Variants in SOX6 observed in about 807,000 individuals in gnomAD.
SOX6 encodes the protein SRY-box transcription factor 6, also known as transcription factor SOX-6.
In SOX6, 11 loss-of-function variants were observed where a neutral mutation model predicts 97.8. The observed-to-expected ratio is 0.11, with a 90% CI of 0.07 to 0.19. The LOEUF (loss-of-function observed/expected upper bound fraction) is 0.19. Ranked by LOEUF, SOX6 falls within the 10% of genes least tolerant of loss-of-function variation. The probability of loss-of-function intolerance (pLI) is 1.00; values close to 1 mark genes in which losing one functional copy is unlikely to be tolerated. For synonymous variants in SOX6, 360 were observed against 371.4 expected, an observed-to-expected ratio of 0.97 and a Z score of 0.35; for missense variants, 810 against 1,039.5, an observed-to-expected ratio of 0.78 and a Z score of 3.04.
rs759856911 is a variant in SOX6 at position 16,318,880 on chromosome 11, T to C, written c.238-227A>G. Among the ~76,000 whole-genome samples the C allele has an allele frequency of 1.2e-4, 19 of 152,298 alleles. No individual in the cohort carries two copies. The South Asian group carries it at 3.1e-3, about 25-fold the overall frequency. On this transcript the variant is annotated intron_variant, in intron 2 of 15. Coordinates refer to ENST00000683767, the MANE Select transcript of SOX6 (RefSeq NM_001367873.1). ...AAGAAGCAATTGTCAAAGGAACTAA[T>C]GTGAAGTTGCAGATTAAAACTGTTT...
chr11:16,404,594 C>A (rs1467933929), intron 1 of SOX6, among the ~76,000 whole-genome samples: 3 of 151,830 alleles, frequency 2.0e-5, no homozygotes, highest in Non-Finnish European at 4.4e-5. Flanking sequence ...ATGCCCACAA[C>A]CAGGTTTCAC....
chr11:16,109,778 T>C (rs1590202377), intron 7 of SOX6, among the ~76,000 whole-genome samples: 1 of 152,204 alleles, frequency 6.6e-6, no homozygotes, highest in East Asian at 1.9e-4. Context: ...ATTAATGAAA[T>C]TGTCTGACAT....
intron 4 of SOX6, among the ~76,000 whole-genome samples, chr11:16,495,816 C>T (rs553491703): frequency 1.3e-5 from 2 of 152,244 alleles, no homozygotes; most frequent in African/African-American, 4.8e-5. Context: ...CAATGTATGA[C>T]ACTCTAGGGC....
intron 2 of SOX6, among the ~76,000 whole-genome samples, chr11:16,336,505 G>T (rs892024776): frequency 6.6e-6 from 1 of 152,056 alleles, no homozygotes; most frequent in Non-Finnish European, 1.5e-5. Context: ...TCACTCTTCT[G>T]CTTATCATCA....
In SOX6 at chr11:16,464,041, C is replaced by A. The variant is rs190458957; in HGVS notation, c.-5+12274G>T. Among the ~76,000 whole-genome samples, 13 of 152,274 alleles carry A rather than the reference C, an allele frequency of 8.5e-5. No homozygotes were observed. In the East Asian group the frequency reaches 2.1e-3, roughly 25 times the overall value. On this transcript the variant is annotated intron_variant, in intron 1 of 15. Coordinates refer to the SOX6 transcript ENST00000396356. Reference sequence around the variant, plus strand: ...TGATGGTTATAACTTTATGGTTATACAGGATATCTCACTGTAAGAGATCTT... The same window carrying A: ...TGATGGTTATAACTTTATGGTTATAAAGGATATCTCACTGTAAGAGATCTT...
At chr11:16,038,431 GA>G (rs1175792009) in intron 12 of SOX6, among the ~76,000 whole-genome samples, 2 of 151,562 alleles carry the variant, frequency 1.3e-5, no homozygotes, top group African/African-American at 2.4e-5. Flanking sequence ...AGGAAGGAAA[GA>G]AAAAAAGAAG....
At chr11:16,471,257 A>C (rs1166315831) in intron 1 of SOX6, among the ~76,000 whole-genome samples, 1 of 152,134 alleles carries the variant, frequency 6.6e-6, no homozygotes, top group Non-Finnish European at 1.5e-5. Context: ...AGGAAGTTTT[A>C]CTTTTTTAAG....
intron 11 of SOX6, among the ~76,000 whole-genome samples, chr11:16,047,952 A>G (rs1164307280): frequency 1.3e-5 from 2 of 152,028 alleles, no homozygotes; most frequent in African/African-American, 2.4e-5. Flanking sequence ...TCTCTATCCA[A>G]TATCACCTGG....
At chr11:16,134,684 T>C (rs1849912064) in intron 6 of SOX6, among the ~76,000 whole-genome samples, 1 of 152,202 alleles carries the variant, frequency 6.6e-6, no homozygotes, top group Admixed American at 6.5e-5. Flanking sequence ...CTATTGTAGT[T>C]GTTTTGGGAC....
At chr11:16,195,120 G>A (rs948298034) in intron 4 of SOX6, among the ~76,000 whole-genome samples, 3 of 152,174 alleles carry the variant, frequency 2.0e-5, no homozygotes, top group Non-Finnish European at 4.4e-5. Flanking sequence ...CGTTAGGAGA[G>A]GAAGGGAAGG....
chr11:16,353,646 C>A (rs12277053), intron 1 of SOX6, among the ~76,000 whole-genome samples: 406 of 151,988 alleles, frequency 2.7e-3, no homozygotes, highest in South Asian at 5.2e-3. Context: ...ATAAACAGCT[C>A]CAGGAGAACA....
intron 7 of SOX6, among the ~76,000 whole-genome samples, chr11:16,099,431 A>C (rs909026563): frequency 6.6e-6 from 1 of 151,732 alleles, no homozygotes; most frequent in Non-Finnish European, 1.5e-5. Flanking sequence ...ATGCTGAATT[A>C]ATGATGCTTC....
At chr11:16,133,668 GTTTT>G (rs1564973628) in intron 6 of SOX6, among the ~76,000 whole-genome samples, 2 of 112,590 alleles carry the variant, frequency 1.8e-5, no homozygotes. Context: ...TACAGGTTTT[GTTTT>G]GTTTTGTTTT....
At chr11:16,133,893 G>C (rs1849886689) in intron 6 of SOX6, among the ~76,000 whole-genome samples, 1 of 152,216 alleles carries the variant, frequency 6.6e-6, no homozygotes, top group East Asian at 1.9e-4. Flanking sequence ...CACCATGTTG[G>C]TCAGGCTGGT....
In SOX6 at chr11:16,613,877, C is replaced by G. The variant is rs78152188; in HGVS notation, n.430-1617G>C. 0.22 allele frequency among the ~76,000 whole-genome samples: 33,395 copies of G among 152,040 alleles called. 4,250 individuals are homozygous for G. The highest frequency in any genetic ancestry group is 0.31 in the Middle Eastern group (91 of 292). ...CCAGCTAGGGGCTGTAGAGACGAAC[C>G]CAGCTGACACTGGCCCAGCAGCCTT... On this transcript the variant is annotated intron_variant and non_coding_transcript_variant, in intron 3 of 5. Transcript: ENST00000524520. This position sits in a 1 kb window ranked among gnomAD's most constrained non-coding sequence, Gnocchi z 4.6.
At chr11:16,112,197 C>T (rs887892351) in intron 6 of SOX6, among the ~76,000 whole-genome samples, 4 of 152,108 alleles carry the variant, frequency 2.6e-5, no homozygotes, top group Non-Finnish European at 4.4e-5. Flanking sequence ...TGACTTTTTT[C>T]CTTTTATTTT....
At chr11:16,224,772 TAAC>T (rs1239785333) in intron 4 of SOX6, among the ~76,000 whole-genome samples, 1 of 152,040 alleles carries the variant, frequency 6.6e-6, no homozygotes, top group Non-Finnish European at 1.5e-5. Flanking sequence ...TCACTATTGA[TAAC>T]AAAACAATCA....
At chr11:16,074,140 C>CA (rs1848292669) in intron 9 of SOX6, among the ~76,000 whole-genome samples, 1 of 151,882 alleles carries the variant, frequency 6.6e-6, no homozygotes, top group Non-Finnish European at 1.5e-5. Context: ...AAAAACCATA[C>CA]AAAAAATCAA....
At chr11:16,006,300 G>A (rs1854553700) in intron 13 of SOX6, among the ~76,000 whole-genome samples, 1 of 152,042 alleles carries the variant, frequency 6.6e-6, no homozygotes, top group African/African-American at 2.4e-5. Flanking sequence ...AGTCTTGAAT[G>A]ATTAAAGGTT....
Sources: gnomAD v4.1 joint callset for allele counts (sites outside exome capture counted in the v4.1 genomes callset) on GRCh38, gnomAD v4.1.1 for gene constraint, Gnocchi (gnomAD v3.1) non-coding constraint, MANE v1.5 for transcripts, NCBI Gene and HGNC (gene_info 2026-07-23, HGNC 2026-07-21) for gene names.